Variants in FBXO8 observed in about 807,000 individuals in gnomAD.
FBXO8 encodes the protein F-box protein 8.
FBXO8 carries 15 observed loss-of-function variants against 33.4 expected under a neutral mutation model. That is an observed-to-expected ratio of 0.45 (90% CI 0.30 to 0.69). The LOEUF is 0.69. Among genes scored for constraint, FBXO8 ranks in the 30% least tolerant of loss-of-function variants. The pLI is 0.08. For synonymous variants in FBXO8, 132 were observed against 131.5 expected, an observed-to-expected ratio of 1.00 and a Z score of -0.02; for missense variants, 274 against 380.3, an observed-to-expected ratio of 0.72 and a Z score of 2.32.
In FBXO8 at chr4:174,247,091, T is replaced by C. The variant is rs919389650; in HGVS notation, c.457-5873A>G. Among the ~76,000 whole-genome samples, 3 of 152,064 alleles carry C rather than the reference T, an allele frequency of 2.0e-5. No individual in the cohort carries two copies. Among genetic ancestry groups the C allele is most frequent in the South Asian group, 2.1e-4 (1 of 4,834 alleles). ...TACATATGTTCAGAATCAGTAAATA[T>C]ATATTTGGGAACAGAGTGAATTCTA... On this transcript the variant is annotated intron_variant, in intron 3 of 5. Transcript: ENST00000393674. This position sits in a 1 kb window ranked among gnomAD's most constrained non-coding sequence, Gnocchi z 4.6.
At chr4:174,264,029 T>C (rs1560872590) in intron 1 of FBXO8, among the ~76,000 whole-genome samples, 1 of 152,310 alleles carries the variant, frequency 6.6e-6, no homozygotes, top group East Asian at 1.9e-4. Context: ...TCCTAATGAA[T>C]ACAAATAATT....
chr4:174,267,674 A>T lies in FBXO8; in HGVS notation c.-8-4574T>A, dbSNP rs1428156787. On this transcript the variant is annotated intron_variant, in intron 1 of 5. Coordinates refer to ENST00000393674, the MANE Select transcript of FBXO8 (RefSeq NM_012180.3). The surrounding 1 kb of genome is among the most constrained non-coding windows in gnomAD (Gnocchi z 4.7). ...TTTCAAACTCTTGAAAATAGTGTTT[A>T]GACTGAACCAATTAAAACTTAATTT... Among the ~76,000 whole-genome samples, 1 of 152,264 alleles carries T rather than the reference A, an allele frequency of 6.6e-6. No individual in the cohort carries two copies. Among genetic ancestry groups the T allele is most frequent in the Admixed American group, 6.5e-5 (1 of 15,286 alleles).
At position 174,262,779 on chromosome 4, in the gene FBXO8, T is replaced by C. The variant is rs1444952027; in HGVS notation, c.314A>G (p.Glu105Gly). 6.2e-7 allele frequency: 1 copy of C among 1,613,410 alleles called. No homozygotes were observed. The highest frequency in any genetic ancestry group is 8.5e-7 in the Non-Finnish European group (1 of 1,179,440). Residue 105 changes from glutamate to glycine, a missense_variant, in exon 2 of 6, where the codon GAA becomes GGA. Physicochemically the swap from Glu to Gly is moderately conservative, Grantham distance 98 (BLOSUM62 -2). Transcript: ENST00000393674. The surrounding 1 kb of genome is among the most constrained non-coding windows in gnomAD (Gnocchi z 4.6). ...TTTAACTTACCCTTGCCAGAGAAGT[T>C]CATCATTCGCAAGGTCCTGCCAAAC... ...SCVWQDLAND[E>G]LLWQGLCKST...
intron 4 of FBXO8, among the ~76,000 whole-genome samples, chr4:174,239,881 T>C (rs1283105509): frequency 2.0e-5 from 3 of 151,864 alleles, no homozygotes; most frequent in East Asian, 1.9e-4. Context: ...TTTGTTACAA[T>C]GTCCTTCAAT....
At chr4:174,244,800 T>C (rs1736121235) in intron 3 of FBXO8, among the ~76,000 whole-genome samples, 1 of 151,734 alleles carries the variant, frequency 6.6e-6, no homozygotes, top group African/African-American at 2.4e-5. Flanking sequence ...ATTCCTCTTA[T>C]TAAAATAGAT....
chr4:174,263,351 A>G lies in FBXO8; in HGVS notation c.-8-251T>C, dbSNP rs1736615998. ...AGTTTGCTAACTACTTCTAAAGTCC[A>G]TATGTGACATAATCATTTTTCACGT... On this transcript the variant is annotated intron_variant, in intron 1 of 5. Transcript: ENST00000393674. This position sits in a 1 kb window ranked among gnomAD's most constrained non-coding sequence, Gnocchi z 4.2. Among the ~76,000 whole-genome samples the G allele has an allele frequency of 6.6e-6, 1 of 152,190 alleles. No homozygotes were observed. The highest frequency in any genetic ancestry group is 2.4e-5 in the African/African-American group (1 of 41,450).
intron 4 of FBXO8, among the ~76,000 whole-genome samples, chr4:174,239,856 AAT>A (rs1284501198): frequency 2.8e-4 from 42 of 151,870 alleles, no homozygotes; most frequent in Non-Finnish European, 4.9e-4. Flanking sequence ...CTAGCATTTC[AAT>A]ATAGAGTCAC....
At position 174,262,229 on chromosome 4, in the gene FBXO8, AAGT is replaced by A. The variant is rs1560871948; in HGVS notation, c.329+532_329+534del. ...CATTGAAATGCTGGTTAGAAAAAAA[AAGT>A]AGATAAAATTTTCACCAGTTAAATT... is the stretch of plus-strand genomic sequence containing the variant. On this transcript the variant is annotated intron_variant, in intron 2 of 5. Coordinates refer to ENST00000393674, the MANE Select transcript of FBXO8 (RefSeq NM_012180.3). This position sits in a 1 kb window ranked among gnomAD's most constrained non-coding sequence, Gnocchi z 4.6. Among the ~76,000 whole-genome samples the A allele has an allele frequency of 6.6e-6, 1 of 152,198 alleles. No individual in the cohort carries two copies. Among genetic ancestry groups the A allele is most frequent in the African/African-American group, 2.4e-5 (1 of 41,466 alleles).
chr4:174,268,602 A>C (rs1168387588), intron 1 of FBXO8, among the ~76,000 whole-genome samples: 1 of 35,252 alleles, frequency 2.8e-5, no homozygotes, highest in Non-Finnish European at 1.4e-4. Context: ...CGCCCGGCTA[A>C]TTTTTTGTAT....
chr4:174,254,455 G>A lies in FBXO8; in HGVS notation c.456+5244C>T, dbSNP rs1736374130. 2.0e-5 allele frequency among the ~76,000 whole-genome samples: 3 copies of A among 152,124 alleles called. No homozygotes were observed. Among genetic ancestry groups the A allele is most frequent in the African/African-American group, 7.2e-5 (3 of 41,438 alleles). ...CTTAGTGGCCTGTCAGCTTTCATTA[G>A]GAATACTTCTGTGTTGCAGGAGGTA... On this transcript the variant is annotated intron_variant, in intron 3 of 5. Transcript: ENST00000393674. The surrounding 1 kb of genome is among the most constrained non-coding windows in gnomAD (Gnocchi z 4.2).
rs771258541 is a variant in FBXO8 at position 174,265,788 on chromosome 4, G to A, written c.-8-2688C>T. ...ACAACATTAAGTACAACTTAATTTT[G>A]ACACAAATTGAACATTTTAAGTCTA... On this transcript the variant is annotated intron_variant, in intron 1 of 5. Coordinates refer to ENST00000393674, the MANE Select transcript of FBXO8 (RefSeq NM_012180.3). This position sits in a 1 kb window ranked among gnomAD's most constrained non-coding sequence, Gnocchi z 4.7. 1.1e-4 allele frequency among the ~76,000 whole-genome samples: 16 copies of A among 152,036 alleles called. No homozygotes were observed. Among genetic ancestry groups the A allele is most frequent in the Non-Finnish European group, 2.2e-4 (15 of 67,990 alleles).
chr4:174,258,466 C>T (rs1051603244), intron 3 of FBXO8, among the ~76,000 whole-genome samples: 5 of 152,058 alleles, frequency 3.3e-5, no homozygotes, highest in African/African-American at 7.2e-5. Context: ...ATTCTAATTT[C>T]ATTAAGGTAT....
intron 4 of FBXO8, among the ~76,000 whole-genome samples, chr4:174,240,352 G>T (rs958778784): frequency 6.6e-6 from 1 of 151,598 alleles, no homozygotes; most frequent in African/African-American, 2.4e-5. Flanking sequence ...GGAATATAAT[G>T]AATATTTACA....
rs1164859556 is a variant in FBXO8 at position 174,259,457 on chromosome 4, C to T, written c.456+242G>A. Among the ~76,000 whole-genome samples the T allele has an allele frequency of 6.6e-6, 1 of 151,940 alleles. No homozygotes were observed. Among genetic ancestry groups the T allele is most frequent in the African/African-American group, 2.4e-5 (1 of 41,376 alleles). On this transcript the variant is annotated intron_variant, in intron 3 of 5. Transcript: ENST00000393674. The surrounding 1 kb of genome is among the most constrained non-coding windows in gnomAD (Gnocchi z 4.3). ...ATATTGTAATCAGGTCAGTAGAGGA[C>T]TGAATATATATCATGGATGCTGCTA...
rs72702235 is a variant in FBXO8, at chr4:174,252,676, C to T, written c.456+7023G>A. On this transcript the variant is annotated intron_variant, in intron 3 of 5. Coordinates refer to ENST00000393674, the MANE Select transcript of FBXO8 (RefSeq NM_012180.3). The surrounding 1 kb of genome is among the most constrained non-coding windows in gnomAD (Gnocchi z 5.1). ...ATGCACACACACACACACACACACA[C>T]GCACAGACAATACTACCTCTTTGTG... 0.016 allele frequency among the ~76,000 whole-genome samples: 2,361 copies of T among 151,236 alleles called. 35 individuals are homozygous for T. Among genetic ancestry groups the T allele is most frequent in the African/African-American group, 0.029 (1,209 of 41,280 alleles).
chr4:174,262,412 C>T lies in FBXO8; in HGVS notation c.329+352G>A, dbSNP rs563267028. Among the ~76,000 whole-genome samples, 26 of 152,320 alleles carry T rather than the reference C, an allele frequency of 1.7e-4. No homozygotes were observed. The highest frequency in any genetic ancestry group is 3.4e-3 in the Middle Eastern group (1 of 294). On this transcript the variant is annotated intron_variant, in intron 2 of 5. Transcript: ENST00000393674. The surrounding 1 kb of genome is among the most constrained non-coding windows in gnomAD (Gnocchi z 4.6). ...GCAGGTATCCTATGGGAAGCACAAA[C>T]TACACAGCATGTGAACACTCCAACT... is the stretch of plus-strand genomic sequence containing the variant.
At position 174,241,110 on chromosome 4, in the gene FBXO8, G is replaced by T; in HGVS notation, c.565C>A (p.Leu189Ile). Residue 189 changes from leucine to isoleucine, a missense_variant, in exon 4 of 6, where the codon CTT (leucine) becomes ATT (isoleucine). This residue lies in a region of FBXO8 where 186 missense variants were observed against 293.4 expected (regional missense o/e 0.63). Coordinates refer to ENST00000393674, the MANE Select transcript of FBXO8 (RefSeq NM_012180.3). This position sits in a 1 kb window ranked among gnomAD's most constrained non-coding sequence, Gnocchi z 4.2. ...TLNWKKLRIY[L>I]DERRDVLDDL... ...AATTTTCGTTTTTACCTTTCATCAA[G>T]ATAGATTCTCAGTTTTTTCCAATTT... is the stretch of plus-strand genomic sequence containing the variant. The T allele has an allele frequency of 6.3e-7, 1 of 1,588,542 alleles. No individual in the cohort carries two copies. Among genetic ancestry groups the T allele is most frequent in the Non-Finnish European group, 8.6e-7 (1 of 1,161,370 alleles).
rs1234004896 is a variant in FBXO8 at position 174,236,663 on chromosome 4, C to CA, written c.*748dup. The CA allele has an allele frequency of 6.6e-6, 1 of 151,750 alleles. No individual in the cohort carries two copies. The highest frequency in any genetic ancestry group is 1.5e-5 in the Non-Finnish European group (1 of 67,918). 9.4% of individuals were successfully genotyped at this position (151,750 alleles called of 1,614,324 possible). ...CACATATAAGCAAGCAAACATTTAC[C>CA]AGAGTTCTAATAATATTTTATTTTA... On this transcript the variant is annotated 3_prime_UTR_variant, in exon 6 of 6. Coordinates refer to ENST00000393674, the MANE Select transcript of FBXO8 (RefSeq NM_012180.3).
Position 174,251,673 on chromosome 4 carries a change from C to T in FBXO8, c.456+8026G>A, listed in dbSNP as rs1736288299. Among the ~76,000 whole-genome samples, 1 of 152,120 alleles carries T rather than the reference C, an allele frequency of 6.6e-6. No homozygotes were observed. Among genetic ancestry groups the T allele is most frequent in the Non-Finnish European group, 1.5e-5 (1 of 68,008 alleles). ...AAAAAGAAAATCACCTCCAGTTTAGCACCATTTGACTAATTGTAGCTAGTC... is the reference window on the plus strand; with the variant it reads ...AAAAAGAAAATCACCTCCAGTTTAGTACCATTTGACTAATTGTAGCTAGTC... On this transcript the variant is annotated intron_variant, in intron 3 of 5. Coordinates refer to ENST00000393674, the MANE Select transcript of FBXO8 (RefSeq NM_012180.3). This position sits in a 1 kb window ranked among gnomAD's most constrained non-coding sequence, Gnocchi z 4.2.
Sources: allele counts gnomAD v4.1 joint callset (sites outside exome capture counted in the v4.1 genomes callset), GRCh38; gene constraint gnomAD v4.1.1; regional missense constraint gnomAD v4.1.1; non-coding constraint Gnocchi (gnomAD v3.1); transcripts MANE v1.5; gene names NCBI Gene and HGNC (gene_info 2026-07-23, HGNC 2026-07-21).